KCNH8: variants seen among roughly 807,000 people sequenced by gnomAD.
KCNH8 encodes potassium voltage-gated channel subfamily H member 8, also known as voltage-gated delayed rectifier potassium channel KCNH8.
A neutral mutation model predicts 103.6 loss-of-function variants in KCNH8; 70 were observed. The observed-to-expected ratio is 0.68, with a 90% CI of 0.56 to 0.82. KCNH8 has a LOEUF of 0.82. KCNH8 is among the 40% of genes least tolerant of loss of function. KCNH8 has a pLI of 0.00. For missense variants in KCNH8, 1,217 were observed against 1,329.9 expected, an observed-to-expected ratio of 0.92 and a Z score of 1.32; for synonymous variants, 498 against 489.4, an observed-to-expected ratio of 1.02 and a Z score of -0.23.
At chr3:19,155,334 C>G (rs2063170719) in intron 1 of KCNH8, among the ~76,000 whole-genome samples, 1 of 152,062 alleles carries the variant, frequency 6.6e-6, no homozygotes, top group Non-Finnish European at 1.5e-5. Flanking sequence ...TACCTCAATT[C>G]CCTCTTTATT....
chr3:19,342,706 A>G lies in KCNH8; in HGVS notation c.562A>G (p.Ile188Val). 1 of 1,606,452 alleles carries G rather than the reference A, an allele frequency of 6.2e-7. No individual in the cohort carries two copies. Among genetic ancestry groups the G allele is most frequent in the African/African-American group, 1.3e-5 (1 of 74,724 alleles). ...LQRREKNKLK[I>V]NNNVFVDKPA... is the part of the protein sequence containing the mutation. ...AAGAAGAGAAAAGAACAAATTGAAA[A>G]TAAATAACGTAGGTGGTATGTGTGT... Residue 188 changes from isoleucine to valine, a missense_variant, in exon 4 of 16, where the codon ATA becomes GTA. Coordinates refer to ENST00000328405, the MANE Select transcript of KCNH8 (RefSeq NM_144633.3).
At chr3:19,291,886 C>T (rs1235727292) in intron 3 of KCNH8, among the ~76,000 whole-genome samples, 2 of 152,170 alleles carry the variant, frequency 1.3e-5, no homozygotes, top group African/African-American at 4.8e-5. Flanking sequence ...TCATTCTTTG[C>T]ATTTCCTACA....
intron 5 of KCNH8, among the ~76,000 whole-genome samples, chr3:19,367,367 T>C (rs1217036566): frequency 6.8e-6 from 1 of 147,966 alleles, no homozygotes; most frequent in Non-Finnish European, 1.5e-5. Context: ...CGTATTATAA[T>C]TGTGTACCCC....
chr3:19,153,597 C>A (rs1575398699), intron 1 of KCNH8, among the ~76,000 whole-genome samples: 1 of 146,322 alleles, frequency 6.8e-6, no homozygotes, highest in Admixed American at 6.8e-5. Flanking sequence ...AATCATTTTT[C>A]TTTTTCTTTT....
chr3:19,454,826 C>T (rs1002792862), intron 10 of KCNH8, among the ~76,000 whole-genome samples: 2 of 152,130 alleles, frequency 1.3e-5, no homozygotes, highest in Admixed American at 6.6e-5. Flanking sequence ...CAAATTGCTG[C>T]ATGACCATTC....
At chr3:19,247,143 T>C (rs1008346974) in intron 1 of KCNH8, among the ~76,000 whole-genome samples, 2 of 152,188 alleles carry the variant, frequency 1.3e-5, no homozygotes, top group Non-Finnish European at 2.9e-5. Context: ...CTGGATGATG[T>C]ATAAATTACA....
chr3:19,341,583 C>T (rs1390375102), intron 3 of KCNH8, among the ~76,000 whole-genome samples: 1 of 151,976 alleles, frequency 6.6e-6, no homozygotes, highest in African/African-American at 2.4e-5. Flanking sequence ...AGAAAATGGC[C>T]ATTACTTTCG....
At chr3:19,475,674 T>A (rs1225764426) in intron 11 of KCNH8, among the ~76,000 whole-genome samples, 1 of 152,154 alleles carries the variant, frequency 6.6e-6, no homozygotes, top group Admixed American at 6.5e-5. Context: ...TTCTCCCCCA[T>A]GGAAAACATG....
At position 19,201,213 on chromosome 3, in the gene KCNH8, AG is replaced by A. The variant is rs2063656323; in HGVS notation, c.76+52419del. Among the ~76,000 whole-genome samples, 3 of 130,116 alleles carry A rather than the reference AG, an allele frequency of 2.3e-5. No homozygotes were observed. The Admixed American group carries it at 2.4e-4, about 11-fold the overall frequency. 85.4% of individuals were successfully genotyped at this position (130,116 alleles called of 152,430 possible). On this transcript the variant is annotated intron_variant, in intron 1 of 15. Coordinates refer to ENST00000328405, the MANE Select transcript of KCNH8 (RefSeq NM_144633.3). ...CACCACTGCACTCCAGCCTGGGTGA[AG>A]TAGCAAGACTCTGCCTCAAAAAAAA...
chr3:19,442,515 G>T (rs1234959079), intron 8 of KCNH8, among the ~76,000 whole-genome samples: 10 of 152,180 alleles, frequency 6.6e-5, no homozygotes, highest in Non-Finnish European at 1.3e-4. Flanking sequence ...GTGCGACACT[G>T]ATCACAAGGC....
intron 2 of KCNH8, among the ~76,000 whole-genome samples, chr3:19,278,562 G>A (rs1326203899): frequency 1.4e-5 from 2 of 138,816 alleles, no homozygotes; most frequent in Non-Finnish European, 3.1e-5. Flanking sequence ...AGGGAGGGAG[G>A]GAGGAGGAAG....
intron 2 of KCNH8, among the ~76,000 whole-genome samples, chr3:19,263,260 A>G (rs556219275): frequency 2.0e-5 from 3 of 152,122 alleles, no homozygotes; most frequent in African/African-American, 7.2e-5. Context: ...ATATGACCAT[A>G]TTTTTACTCA....
At chr3:19,510,224 G>A in intron 11 of KCNH8, 139 bp from the exon 12 acceptor site, 1 of 650,718 alleles carries the variant, frequency 1.5e-6, no homozygotes, top group South Asian at 1.8e-5. Flanking sequence ...GCCTGCACAG[G>A]TAGATCCACA....
intron 2 of KCNH8, among the ~76,000 whole-genome samples, chr3:19,271,990 A>G (rs917290790): frequency 6.6e-6 from 1 of 152,156 alleles, no homozygotes; most frequent in African/African-American, 2.4e-5. Flanking sequence ...AATCAAATAA[A>G]TTAATGAGAA....
chr3:19,238,291 C>T (rs983323050), intron 1 of KCNH8, among the ~76,000 whole-genome samples: 6 of 152,190 alleles, frequency 3.9e-5, no homozygotes, highest in African/African-American at 1.2e-4. Flanking sequence ...TCAGTGGGCT[C>T]TGCTTCTGTT....
chr3:19,510,070 A>T (rs1451564490), intron 11 of KCNH8, among the ~76,000 whole-genome samples: 1 of 152,068 alleles, frequency 6.6e-6, no homozygotes, highest in Non-Finnish European at 1.5e-5. Context: ...TATTGTGATC[A>T]TTATTTTTTA....
At chr3:19,389,145 G>T (rs748641524) in intron 5 of KCNH8, among the ~76,000 whole-genome samples, 39 of 152,104 alleles carry the variant, frequency 2.6e-4, no homozygotes, top group Non-Finnish European at 5.0e-4. Flanking sequence ...TTTTATTGCT[G>T]CATAGCAAAC....
rs920423108 is a variant in KCNH8, at chr3:19,246,274, G to GTT, written c.77-7358_77-7357dup. Among the ~76,000 whole-genome samples the GTT allele has an allele frequency of 4.5e-3, 390 of 86,270 alleles. 2 individuals are homozygous for GTT. The highest frequency in any genetic ancestry group is 7.1e-3 in the African/African-American group (145 of 20,472). 56.6% of individuals were successfully genotyped at this position (86,270 alleles called of 152,430 possible). On this transcript the variant is annotated intron_variant, in intron 1 of 15. Transcript: ENST00000328405. ...TTTAAGAAGTTTTTTTGTTGTTGTTGTTTTTTTTTTTTTTTTTTTTTTTGA... is the reference window on the plus strand; with the variant it reads ...TTTAAGAAGTTTTTTTGTTGTTGTTGTTTTTTTTTTTTTTTTTTTTTTTTTGA...
chr3:19,526,807 A>G (rs2069072966), intron 15 of KCNH8, among the ~76,000 whole-genome samples: 1 of 152,018 alleles, frequency 6.6e-6, no homozygotes, highest in African/African-American at 2.4e-5. Context: ...GCAATTGATG[A>G]AAGTGAGTTA....
Sources: gnomAD v4.1 joint callset for allele counts (sites outside exome capture counted in the v4.1 genomes callset) on GRCh38, gnomAD v4.1.1 for gene constraint, MANE v1.5 for transcripts, NCBI Gene and HGNC (gene_info 2026-07-23, HGNC 2026-07-21) for gene names.